Variants in SYT1 observed in about 807,000 individuals in gnomAD.
The protein encoded by SYT1 is synaptotagmin-1.
A neutral mutation model predicts 44.8 loss-of-function variants in SYT1; 8 were observed. The ratio of observed to expected loss-of-function variants is 0.18; its 90% CI spans 0.10 to 0.32. SYT1 has a LOEUF of 0.32. Among genes scored for constraint, SYT1 ranks in the 10% least tolerant of loss-of-function variants. The pLI, the probability that SYT1 is intolerant of heterozygous loss-of-function variation, is 1.00. For synonymous variants in SYT1, 154 were observed against 188.8 expected (o/e 0.82, Z 1.51); for missense variants, 286 against 509.3 (o/e 0.56, Z 4.22).
chr12:79,290,386 G>C (rs373594139), intron 5 of SYT1, among the ~76,000 whole-genome samples: 3 of 152,180 alleles, frequency 2.0e-5, no homozygotes, highest in Non-Finnish European at 2.9e-5. Flanking sequence ...AGATCCCTGA[G>C]TAAGTGGGTG....
intron 4 of SYT1, among the ~76,000 whole-genome samples, chr12:79,222,738 C>G (rs1298425459): frequency 3.3e-5 from 5 of 152,102 alleles, no homozygotes; most frequent in Non-Finnish European, 7.3e-5. Context: ...TCTCCTATGG[C>G]TTGATTGTTT....
At chr12:79,316,889 C>T (rs1011396563) in intron 8 of SYT1, among the ~76,000 whole-genome samples, 1 of 152,174 alleles carries the variant, frequency 6.6e-6, no homozygotes, top group African/African-American at 2.4e-5. Flanking sequence ...GAAAGTATGG[C>T]ATGGATCAAA....
intron 3 of SYT1, among the ~76,000 whole-genome samples, chr12:79,203,128 T>C (rs1873893252): frequency 6.6e-6 from 1 of 152,118 alleles, no homozygotes; most frequent in South Asian, 2.1e-4. Flanking sequence ...TTGTTAAGTA[T>C]TTGTGTATGC....
chr12:79,042,706 A>C (rs1592692245), intron 2 of SYT1, among the ~76,000 whole-genome samples: 1 of 144,294 alleles, frequency 6.9e-6, no homozygotes, highest in South Asian at 2.3e-4. Flanking sequence ...TAGTTCTTTT[A>C]ATTGTGATGT....
At chr12:79,314,794 C>T (rs774749159) in intron 8 of SYT1, among the ~76,000 whole-genome samples, 2 of 151,952 alleles carry the variant, frequency 1.3e-5, no homozygotes, top group Non-Finnish European at 2.9e-5. Flanking sequence ...TTCATAACAG[C>T]CAAAAAAGTA....
At position 79,078,150 on chromosome 12, in the gene SYT1, T is replaced by C. The variant is rs74110133; in HGVS notation, c.-18+30788T>C. On this transcript the variant is annotated intron_variant, in intron 3 of 10. Coordinates refer to ENST00000261205, the MANE Select transcript of SYT1 (RefSeq NM_005639.3). ...TTTTCCCTTTACTCACTGGTCATTG[T>C]CCAGTTGTAATTTATCCTACTGACT... 8.9e-3 allele frequency among the ~76,000 whole-genome samples: 1,361 copies of C among 152,286 alleles called. 27 individuals are homozygous for C. The highest frequency in any genetic ancestry group is 0.03 in the African/African-American group (1,263 of 41,566).
intron 2 of SYT1, among the ~76,000 whole-genome samples, chr12:79,024,073 G>C (rs971548599): frequency 1.3e-5 from 2 of 151,748 alleles, no homozygotes; most frequent in Non-Finnish European, 2.9e-5. Context: ...GAGAACTGCT[G>C]TTTTCCCAAA....
At chr12:79,351,162 C>A (rs1299823162) in intron 8 of SYT1, among the ~76,000 whole-genome samples, 4 of 152,166 alleles carry the variant, frequency 2.6e-5, no homozygotes, top group Admixed American at 6.5e-5. Flanking sequence ...AACACTCATT[C>A]TTCTCCCATC....
At chr12:79,244,955 A>C (rs963974152) in intron 4 of SYT1, among the ~76,000 whole-genome samples, 2 of 152,138 alleles carry the variant, frequency 1.3e-5, no homozygotes, top group African/African-American at 4.8e-5. Flanking sequence ...CTGTCTTGGC[A>C]AGTAAATGCA....
At chr12:79,244,875 T>C (rs1876729249) in intron 4 of SYT1, among the ~76,000 whole-genome samples, 1 of 152,158 alleles carries the variant, frequency 6.6e-6, no homozygotes, top group African/African-American at 2.4e-5. Context: ...TTAGTTTCTT[T>C]TTCTATGTGG....
chr12:79,334,529 G>C (rs1322762651), intron 8 of SYT1, among the ~76,000 whole-genome samples: 1 of 152,132 alleles, frequency 6.6e-6, no homozygotes, highest in Non-Finnish European at 1.5e-5. Context: ...GAAAACAAGG[G>C]AAGGGAAGTT....
intron 4 of SYT1, among the ~76,000 whole-genome samples, chr12:79,267,831 G>A (rs1226616352): frequency 6.6e-6 from 1 of 152,038 alleles, no homozygotes; most frequent in Non-Finnish European, 1.5e-5. Flanking sequence ...GTTGTGCTGG[G>A]GTTTATCTCT....
intron 8 of SYT1, among the ~76,000 whole-genome samples, chr12:79,311,859 G>A (rs1276966020): frequency 8.2e-6 from 1 of 122,020 alleles, no homozygotes; most frequent in Non-Finnish European, 1.7e-5. Context: ...CACACTCTGG[G>A]GACTGTTGTG....
At chr12:78,963,076 G>C (rs1272617007) in intron 1 of SYT1, among the ~76,000 whole-genome samples, 2 of 151,882 alleles carry the variant, frequency 1.3e-5, no homozygotes, top group Non-Finnish European at 2.9e-5. Flanking sequence ...TTCTGTGACT[G>C]TCTTATTTCA....
At chr12:78,937,829 G>A (rs1878144881) in intron 1 of SYT1, among the ~76,000 whole-genome samples, 1 of 152,100 alleles carries the variant, frequency 6.6e-6, no homozygotes, top group African/African-American at 2.4e-5. Context: ...AGTAAGAAAA[G>A]CTAACTGGAT....
At chr12:78,907,455 A>T (rs1009159751) in intron 1 of SYT1, among the ~76,000 whole-genome samples, 1 of 151,946 alleles carries the variant, frequency 6.6e-6, no homozygotes, top group South Asian at 2.1e-4. Flanking sequence ...ATAATATATT[A>T]TATATTAGCT....
intron 3 of SYT1, among the ~76,000 whole-genome samples, chr12:79,093,431 T>C (rs1422018550): frequency 6.6e-6 from 1 of 151,718 alleles, no homozygotes; most frequent in Non-Finnish European, 1.5e-5. Flanking sequence ...AAAGACCTAA[T>C]AAAGACAGTA....
chr12:79,396,372 T>C (rs1951281582), intron 9 of SYT1, among the ~76,000 whole-genome samples: 1 of 152,204 alleles, frequency 6.6e-6, no homozygotes, highest in Admixed American at 6.5e-5. Context: ...AAGTATTAAA[T>C]TAAATATTAA....
intron 1 of SYT1, among the ~76,000 whole-genome samples, chr12:78,925,250 T>C (rs911571297): frequency 1.3e-5 from 2 of 151,966 alleles, no homozygotes; most frequent in African/African-American, 2.4e-5. Context: ...TTGGCCACAA[T>C]TTATTTTATT....
Sources: allele counts gnomAD v4.1 joint callset (sites outside exome capture counted in the v4.1 genomes callset), GRCh38; gene constraint gnomAD v4.1.1; transcripts MANE v1.5; gene names NCBI Gene and HGNC (gene_info 2026-07-23, HGNC 2026-07-21).